CCDC62: variants seen among roughly 807,000 people sequenced by gnomAD.
The protein encoded by CCDC62 is coiled-coil domain-containing protein 62.
A neutral mutation model predicts 80.8 loss-of-function variants in CCDC62; 72 were observed. That is an observed-to-expected ratio of 0.89 (90% confidence interval 0.74 to 1.08). The LOEUF (loss-of-function observed/expected upper bound fraction) is 1.08. Among genes scored for constraint, CCDC62 ranks in the 50% least tolerant of loss-of-function variants. The pLI, the probability that CCDC62 is intolerant of heterozygous loss-of-function variation, is 0.00. For missense variants in CCDC62, 704 were observed against 809.4 expected (o/e 0.87, Z 1.58); for synonymous variants, 286 against 296.5 (o/e 0.96, Z 0.36).
intron 3 of CCDC62, among the ~76,000 whole-genome samples, chr12:122,783,032 G>A (rs1454477634): frequency 4.6e-5 from 7 of 150,700 alleles, no homozygotes; most frequent in African/African-American, 1.7e-4. Flanking sequence ...AATTGAACCT[G>A]AGAGGCAGAG....
intron 12 of CCDC62, among the ~76,000 whole-genome samples, chr12:122,825,862 G>T (rs1476663818): frequency 1.3e-5 from 2 of 150,620 alleles, no homozygotes; most frequent in African/African-American, 4.9e-5. Context: ...GCATGGAGGC[G>T]CATGCCTGTA....
intron 6 of CCDC62, 81 bp downstream of exon 6, chr12:122,792,202 GTTTT>G (rs760554062): frequency 1.3e-3 from 624 of 497,096 alleles, no homozygotes; most frequent in Non-Finnish European, 1.4e-3. Flanking sequence ...TCCCAAAATG[GTTTT>G]TTTTTTTTTT....
intron 1 of CCDC62, 102 bp from the exon 2 acceptor site, chr12:122,777,389 G>T (rs918991709): frequency 2.2e-6 from 2 of 927,828 alleles, no homozygotes; most frequent in Non-Finnish European, 3.2e-6. Context: ...GAACTACTTA[G>T]AATTGGCCGC....
intron 10 of CCDC62, among the ~76,000 whole-genome samples, chr12:122,809,707 T>C (rs9788154): frequency 0.84 from 128,267 of 152,198 alleles, 55,309 homozygotes; most frequent in East Asian, 0.99. Flanking sequence ...GCTCGCATTG[T>C]CAAGTCAATC....
rs1030118662 is a variant in CCDC62, at chr12:122,827,215, T to A, written c.*834T>A. ...GATATTTTTAATATTAAAGAAAAAA[T>A]ATGTTTCCTTGGTTTCTTTTTATTT... On this transcript the variant is annotated 3_prime_UTR_variant, in exon 13 of 13. Transcript: ENST00000253079. The A allele has an allele frequency of 3.9e-5, 6 of 152,132 alleles. No individual in the cohort carries two copies. Among genetic ancestry groups the A allele is most frequent in the Admixed American group, 2.0e-4 (3 of 15,272 alleles). The allele number at this position is 152,132 out of a possible 1,614,324, so 9.4% of individuals were successfully genotyped here.
At chr12:122,819,535 A>G (rs1490106654) in intron 11 of CCDC62, among the ~76,000 whole-genome samples, 2 of 152,194 alleles carry the variant, frequency 1.3e-5, no homozygotes, top group Non-Finnish European at 2.9e-5. Context: ...TGGCATAGGC[A>G]CACGTGTTTC....
chr12:122,823,251 A>G (rs1304011876), intron 11 of CCDC62, 115 bp from the exon 12 acceptor site: 2 of 758,906 alleles, frequency 2.6e-6, no homozygotes, highest in African/African-American at 1.7e-5. Flanking sequence ...ATGAGCCACC[A>G]CGCCCAGCCT....
chr12:122,790,958 C>T (rs1459972734), intron 5 of CCDC62, among the ~76,000 whole-genome samples: 1 of 152,086 alleles, frequency 6.6e-6, no homozygotes, highest in Non-Finnish European at 1.5e-5. Context: ...ACATCTATTT[C>T]TTCTTATACC....
chr12:122,793,023 C>G (rs561801294), intron 6 of CCDC62, among the ~76,000 whole-genome samples: 1 of 152,130 alleles, frequency 6.6e-6, no homozygotes, highest in Non-Finnish European at 1.5e-5. Flanking sequence ...ATAAACCCCT[C>G]GCAAGTCAAA....
Position 122,813,399 on chromosome 12 carries a change from C to T in CCDC62, c.1981C>T (p.Leu661Phe). 6.2e-7 allele frequency: 1 copy of T among 1,612,872 alleles called. No homozygotes were observed. Among genetic ancestry groups the T allele is most frequent in the South Asian group, 1.1e-5 (1 of 90,934 alleles). ...ACTGCTGCCCATCAGCCATGAGAAT[C>T]TCACTGGCAGTGCCACAAATGTATG... is the stretch of plus-strand genomic sequence containing the variant. ...STLLPISHEN[L>F]TGSATNKSEV... Residue 661 changes from leucine (L) to phenylalanine (F), a missense_variant, in exon 11 of 13, where the codon CTC becomes TTC. Leu to Phe is a conservative substitution (Grantham distance 22). Coordinates refer to ENST00000253079, the MANE Select transcript of CCDC62 (RefSeq NM_201435.5).
intron 12 of CCDC62, 92 bp from the exon 13 acceptor site, chr12:122,826,330 T>G: frequency 1.4e-6 from 1 of 707,086 alleles, no homozygotes; most frequent in Non-Finnish European, 2.6e-6. Flanking sequence ...GGATGTAGAG[T>G]TAATATTTTA....
rs1473310049 is a variant in CCDC62 at position 122,826,568 on chromosome 12, C to T, written c.*187C>T. The T allele has an allele frequency of 6.1e-6, 4 of 660,142 alleles. No individual in the cohort carries two copies. The highest frequency in any genetic ancestry group is 5.2e-5 in the East Asian group (2 of 38,250). 40.9% of individuals were successfully genotyped at this position (660,142 alleles called of 1,614,324 possible). ...TAGAAAGTTAATTTTTAAACATCTACACTTCATTTTCAAGTTAACCATTTT... is the reference window on the plus strand; with the variant it reads ...TAGAAAGTTAATTTTTAAACATCTATACTTCATTTTCAAGTTAACCATTTT... On this transcript the variant is annotated 3_prime_UTR_variant, in exon 13 of 13. Transcript: ENST00000253079.
chr12:122,793,411 G>A (rs1423724142), intron 6 of CCDC62, among the ~76,000 whole-genome samples: 1 of 152,092 alleles, frequency 6.6e-6, no homozygotes, highest in East Asian at 1.9e-4. Flanking sequence ...ATGTCAACAA[G>A]CTCTCTATGT....
At chr12:122,792,887 C>T (rs954628842) in intron 6 of CCDC62, among the ~76,000 whole-genome samples, 7 of 152,134 alleles carry the variant, frequency 4.6e-5, no homozygotes, top group Non-Finnish European at 1.0e-4. Flanking sequence ...ATGCTGCCAT[C>T]CCGTTCCCAG....
chr12:122,798,706 C>T (rs1006258935), intron 8 of CCDC62, among the ~76,000 whole-genome samples: 8 of 150,184 alleles, frequency 5.3e-5, no homozygotes, highest in Admixed American at 4.0e-4. Flanking sequence ...ACTTGAACCC[C>T]GGAGGTGGAG....
chr12:122,804,977 C>T (rs1015994262), intron 9 of CCDC62, among the ~76,000 whole-genome samples: 2 of 151,158 alleles, frequency 1.3e-5, no homozygotes, highest in African/African-American at 4.9e-5. Flanking sequence ...CTCTGCCTCC[C>T]GGGTTCAAGC....
chr12:122,806,399 C>T (rs2031604645), intron 10 of CCDC62, 104 bp downstream of exon 10: 1 of 717,956 alleles, frequency 1.4e-6, no homozygotes, highest in Non-Finnish European at 2.0e-6. Context: ...TTTGGCTATT[C>T]CTCCGTTTTT....
chr12:122,782,864 T>C (rs1431565816), intron 3 of CCDC62, among the ~76,000 whole-genome samples: 2 of 151,552 alleles, frequency 1.3e-5, no homozygotes, highest in African/African-American at 4.8e-5. Context: ...TCCCAGCACT[T>C]TGGGAGGCCG....
intron 11 of CCDC62, among the ~76,000 whole-genome samples, chr12:122,821,248 A>G (rs1350451917): frequency 2.6e-5 from 4 of 152,174 alleles, no homozygotes; most frequent in African/African-American, 9.7e-5. Flanking sequence ...TAGGACTGAC[A>G]GCGAGCCAGT....
Sources: gnomAD v4.1 joint callset for allele counts (sites outside exome capture counted in the v4.1 genomes callset) on GRCh38, gnomAD v4.1.1 for gene constraint, MANE v1.5 for transcripts, NCBI Gene and HGNC (gene_info 2026-07-23, HGNC 2026-07-21) for gene names.